Variants in TRIM2 observed in about 807,000 individuals in gnomAD.
TRIM2 encodes the protein tripartite motif containing 2.
A neutral mutation model predicts 75.2 loss-of-function variants in TRIM2; 20 were observed. That is an observed-to-expected ratio of 0.27 (90% CI 0.19 to 0.39). The LOEUF is 0.39. Ranked by LOEUF, TRIM2 falls within the 10% of genes least tolerant of loss-of-function variation. TRIM2 has a pLI of 1.00. For missense variants in TRIM2, 660 were observed against 990.8 expected, an observed-to-expected ratio of 0.67 and a Z score of 4.48; for synonymous variants, 373 against 388.3, an observed-to-expected ratio of 0.96 and a Z score of 0.46.
intron 1 of TRIM2, among the ~76,000 whole-genome samples, chr4:153,194,019 G>A (rs531659453): frequency 7.2e-5 from 11 of 152,250 alleles, no homozygotes; most frequent in South Asian, 4.1e-4. Context: ...TGAATGAGGC[G>A]TCCACTGATG....
chr4:153,332,606 T>C (rs1339287734), intron 11 of TRIM2, among the ~76,000 whole-genome samples: 3 of 151,264 alleles, frequency 2.0e-5, no homozygotes, highest in South Asian at 4.2e-4. Context: ...GATCACACCA[T>C]TGCACTCCAG....
intron 1 of TRIM2, among the ~76,000 whole-genome samples, chr4:153,175,935 T>A (rs914956839): frequency 6.6e-6 from 1 of 152,098 alleles, no homozygotes; most frequent in Admixed American, 6.5e-5. Context: ...AGTCTCATAC[T>A]TAGGAGGCTG....
chr4:153,279,557 T>C (rs936439959), intron 3 of TRIM2, among the ~76,000 whole-genome samples: 1 of 152,200 alleles, frequency 6.6e-6, no homozygotes, highest in Non-Finnish European at 1.5e-5. Context: ...GTCAAATCTC[T>C]ACCCAGGAAA....
chr4:153,181,852 G>A (rs1042495074), intron 1 of TRIM2, among the ~76,000 whole-genome samples: 3 of 152,138 alleles, frequency 2.0e-5, no homozygotes, highest in African/African-American at 7.2e-5. Context: ...TCAGGAGGGG[G>A]CTGTGTGCCA....
intron 1 of TRIM2, among the ~76,000 whole-genome samples, chr4:153,258,112 G>T (rs1293990891): frequency 6.6e-6 from 1 of 152,100 alleles, no homozygotes. Context: ...TGATTTGCAG[G>T]ATTCCTTCCT....
At chr4:153,266,250 G>A (rs1755029436) in intron 1 of TRIM2, among the ~76,000 whole-genome samples, 1 of 151,450 alleles carries the variant, frequency 6.6e-6, no homozygotes, top group African/African-American at 2.4e-5. Flanking sequence ...GCTCATTGCA[G>A]CCTTGACCTC....
At chr4:153,310,842 G>T (rs1293890817) in intron 6 of TRIM2, among the ~76,000 whole-genome samples, 1 of 152,174 alleles carries the variant, frequency 6.6e-6, no homozygotes, top group Non-Finnish European at 1.5e-5. Flanking sequence ...AGCAATGTTA[G>T]ACAAACAGAC....
At chr4:153,196,002 G>A (rs563339660) in intron 1 of TRIM2, among the ~76,000 whole-genome samples, 2 of 152,214 alleles carry the variant, frequency 1.3e-5, no homozygotes, top group South Asian at 4.2e-4. Flanking sequence ...TAAAGACGGG[G>A]GTTTGCCATG....
intron 1 of TRIM2, among the ~76,000 whole-genome samples, chr4:153,219,373 T>C (rs1052865821): frequency 6.6e-6 from 1 of 152,320 alleles, no homozygotes; most frequent in Non-Finnish European, 1.5e-5. Flanking sequence ...TTATGGGTCC[T>C]GAGAACTTTA....
chr4:153,181,478 C>T (rs1175015873), intron 1 of TRIM2, among the ~76,000 whole-genome samples: 1 of 152,164 alleles, frequency 6.6e-6, no homozygotes, highest in East Asian at 1.9e-4. Flanking sequence ...CTCACTTGCC[C>T]TCCTTGCCCC....
chr4:153,209,998 G>T (rs950735220), intron 1 of TRIM2, among the ~76,000 whole-genome samples: 2 of 151,214 alleles, frequency 1.3e-5, no homozygotes, highest in East Asian at 3.9e-4. Flanking sequence ...TGCTTTTCAA[G>T]ATACTTTCAA....
At chr4:153,184,718 A>C (rs1431206177) in intron 1 of TRIM2, among the ~76,000 whole-genome samples, 1 of 152,220 alleles carries the variant, frequency 6.6e-6, no homozygotes, top group Non-Finnish European at 1.5e-5. Context: ...TGGAAAACTC[A>C]GTCTTCAGAG....
At chr4:153,294,889 G>A (rs1338479389) in intron 5 of TRIM2, among the ~76,000 whole-genome samples, 1 of 152,192 alleles carries the variant, frequency 6.6e-6, no homozygotes, top group East Asian at 1.9e-4. Flanking sequence ...AAACAGGGAT[G>A]AGAAACCTCT....
At chr4:153,185,893 A>G (rs775479149) in intron 1 of TRIM2, among the ~76,000 whole-genome samples, 16 of 152,212 alleles carry the variant, frequency 1.1e-4, no homozygotes, top group Non-Finnish European at 2.1e-4. Flanking sequence ...TTCAATTAGC[A>G]GCTGATTAGG....
At position 153,335,531 on chromosome 4, in the gene TRIM2, G is replaced by A. The variant is rs942638402; in HGVS notation, c.*565G>A. ...TGCAAAATGATCCCAGCTCTGATTA[G>A]CAGCCCTCTGGAGTTCAGAACTTAA... On this transcript the variant is annotated 3_prime_UTR_variant, in exon 12 of 12. Transcript: ENST00000338700. 3.0e-6 allele frequency: 3 copies of A among 985,252 alleles called. No homozygotes were observed. The Admixed American group carries it at 1.8e-4, about 61-fold the overall frequency. 61.0% of individuals were successfully genotyped at this position (985,252 alleles called of 1,614,324 possible). A position where few individuals can be genotyped will look rare whatever the true frequency, so the allele number is the denominator to read the frequency against.
At chr4:153,203,214 T>C (rs772741015), upstream of TRIM2, among the ~76,000 whole-genome samples, 19 of 151,814 alleles carry the variant, frequency 1.3e-4, no homozygotes, top group Middle Eastern at 0.01. Flanking sequence ...ATATGTTTGA[T>C]CAAATGAAAT....
intron 1 of TRIM2, among the ~76,000 whole-genome samples, chr4:153,238,944 C>T (rs1455491214): frequency 6.6e-6 from 1 of 152,170 alleles, no homozygotes; most frequent in Non-Finnish European, 1.5e-5. Flanking sequence ...GGCTTAACCC[C>T]ACTGTGACGG....
At position 153,295,255 on chromosome 4, in the gene TRIM2, C is replaced by T; in HGVS notation, c.787-58C>T. The T allele has an allele frequency of 2.7e-6, 4 of 1,485,404 alleles. No homozygotes were observed. The highest frequency in any genetic ancestry group is 1.4e-5 in the South Asian group (1 of 71,204). The allele number at this position is 1,485,404 out of a possible 1,614,324, so 92.0% of individuals were successfully genotyped here. A position where few individuals can be genotyped will look rare whatever the true frequency, so the allele number is the denominator to read the frequency against. On this transcript the variant is annotated intron_variant, in intron 5 of 11. Transcript: ENST00000338700. The surrounding 1 kb of genome is among the most constrained non-coding windows in gnomAD (Gnocchi z 7.2). Reference sequence around the variant, plus strand: ...TCCTTCTCGCCGGTGGAGGGCACTGCCCCGGGCTAGGCCCCGCCCTGTGGG... The same window carrying T: ...TCCTTCTCGCCGGTGGAGGGCACTGTCCCGGGCTAGGCCCCGCCCTGTGGG...
intron 1 of TRIM2, among the ~76,000 whole-genome samples, chr4:153,244,677 C>T (rs1370127583): frequency 6.6e-6 from 1 of 151,950 alleles, no homozygotes; most frequent in African/African-American, 2.4e-5. Flanking sequence ...GTCTTTGGAA[C>T]AGGTACATAT....
Sources: gnomAD v4.1 joint callset for allele counts (sites outside exome capture counted in the v4.1 genomes callset) on GRCh38, gnomAD v4.1.1 for gene constraint, Gnocchi (gnomAD v3.1) non-coding constraint, MANE v1.5 for transcripts, NCBI Gene and HGNC (gene_info 2026-07-23, HGNC 2026-07-21) for gene names.